MTUS1: variants seen among roughly 807,000 people sequenced by gnomAD.
The protein encoded by MTUS1 is microtubule-associated tumor suppressor 1.
MTUS1 carries 109 observed loss-of-function variants against 120.8 expected under a neutral mutation model. The ratio of observed to expected loss-of-function variants is 0.90; its 90% confidence interval spans 0.77 to 1.06. The LOEUF (loss-of-function observed/expected upper bound fraction) is 1.06, where lower values mean the gene tolerates loss of function less well. Ranked by LOEUF, MTUS1 falls within the 50% of genes least tolerant of loss-of-function variation. MTUS1 has a pLI of 0.00. For synonymous variants in MTUS1, 737 were observed against 550.5 expected, an observed-to-expected ratio of 1.34 and a Z score of -4.74; for missense variants, 2,210 against 1,486.3, an observed-to-expected ratio of 1.49 and a Z score of -8.01.
In MTUS1 at chr8:17,684,468, CAG is replaced by C. The variant is rs1815318478; in HGVS notation, c.2696_2697del (p.Pro899ArgfsTer5). On this transcript the variant is annotated frameshift_variant, in exon 7 of 15. Transcript: ENST00000693296. LOFTEE classifies it high-confidence loss of function. ...QPQTAPDALP[P>X]EKTLELTQYK... ...TATTGCGTCAATTCAAGTGTTTTCT[CAG>C]GGGGCAGCGCATCGGGAGCTGTCTG... 1.2e-6 allele frequency: 2 copies of C among 1,614,214 alleles called. No individual in the cohort carries two copies. Among genetic ancestry groups the C allele is most frequent in the Non-Finnish European group, 1.7e-6 (2 of 1,180,042 alleles).
chr8:17,659,004 TG>T (rs1404603169), intron 8 of MTUS1, among the ~76,000 whole-genome samples: 1 of 152,180 alleles, frequency 6.6e-6, no homozygotes, highest in East Asian at 1.9e-4. Context: ...TATTTCTCGT[TG>T]CCTGGCACAG....
chr8:17,761,769 T>C (rs2049054466), intron 1 of MTUS1, among the ~76,000 whole-genome samples: 2 of 152,228 alleles, frequency 1.3e-5, no homozygotes, highest in Admixed American at 6.5e-5. Context: ...ACGCCAGTCC[T>C]TTAAGATGTG....
At chr8:17,783,590 C>T (rs7461437) in intron 1 of MTUS1, among the ~76,000 whole-genome samples, 40,866 of 151,786 alleles carry the variant, frequency 0.27, 7,032 homozygotes, top group African/African-American at 0.47. Flanking sequence ...TGGAAATTCA[C>T]AAGTTGGGCA....
At position 17,647,010 on chromosome 8, in the gene MTUS1, G is replaced by A. The variant is rs768397952; in HGVS notation, c.3571C>T (p.Arg1191Trp). The A allele has an allele frequency of 3.7e-6, 6 of 1,613,816 alleles. No individual in the cohort carries two copies. Among genetic ancestry groups the A allele is most frequent in the Admixed American group, 1.7e-5 (1 of 59,972 alleles). ...FQQENEELKA[R>W]MDKHMAISRQ... Reference sequence around the variant, plus strand: ...GAGATTGCCATGTGCTTGTCCATCCGAGCTTTCAATTCTTCATTCTCCTGC... The same window carrying A: ...GAGATTGCCATGTGCTTGTCCATCCAAGCTTTCAATTCTTCATTCTCCTGC... Residue 1191 changes from arginine to tryptophan, a missense_variant, in exon 14 of 15, where the codon CGG (arginine) becomes TGG (tryptophan). Coordinates refer to ENST00000693296, the MANE Select transcript of MTUS1 (RefSeq NM_001363059.2).
intron 2 of MTUS1, among the ~76,000 whole-genome samples, chr8:17,751,899 GAA>G (rs1271370117): frequency 1.7e-5 from 2 of 118,116 alleles, no homozygotes; most frequent in African/African-American, 3.0e-5. Context: ...AAGCAAAAAA[GAA>G]AAAAGAGTCC....
At chr8:17,665,294 C>T (rs1438697166) in intron 8 of MTUS1, among the ~76,000 whole-genome samples, 1 of 152,158 alleles carries the variant, frequency 6.6e-6, no homozygotes, top group East Asian at 1.9e-4. Context: ...TTCCATAAAT[C>T]ATAAATTATT....
chr8:17,766,540 G>A (rs2049507278), intron 1 of MTUS1, among the ~76,000 whole-genome samples: 1 of 152,170 alleles, frequency 6.6e-6, no homozygotes. Flanking sequence ...GTGACTAAGA[G>A]CCCAGAGTTA....
intron 1 of MTUS1, among the ~76,000 whole-genome samples, chr8:17,792,060 A>C (rs1469490304): frequency 6.6e-6 from 1 of 152,146 alleles, no homozygotes; most frequent in Non-Finnish European, 1.5e-5. Context: ...TTTGCCTGTT[A>C]AGTCTGTGCA....
chr8:17,747,246 C>G (rs891880242), intron 2 of MTUS1, among the ~76,000 whole-genome samples: 1 of 152,082 alleles, frequency 6.6e-6, no homozygotes, highest in African/African-American at 2.4e-5. Flanking sequence ...CCTAGAGTCC[C>G]CTAAATTAGA....
At chr8:17,723,446 C>T (rs1359379749) in intron 4 of MTUS1, 2 of 578,728 alleles carry the variant, frequency 3.5e-6, no homozygotes, top group South Asian at 1.9e-5. Context: ...TCAGACGATG[C>T]ACTTTCGAAT....
intron 1 of MTUS1, among the ~76,000 whole-genome samples, chr8:17,773,304 T>G (rs915864742): frequency 1.4e-4 from 21 of 152,092 alleles, no homozygotes; most frequent in African/African-American, 5.1e-4. Context: ...GGAAGAGTCT[T>G]CAAGAGTCAT....
chr8:17,721,642 C>G, intron 4 of MTUS1: 1 of 1,483,168 alleles, frequency 6.7e-7, no homozygotes, highest in South Asian at 1.5e-5. Flanking sequence ...TCAAGAGATC[C>G]TAAATCAATT....
chr8:17,664,239 C>T (rs571830136), intron 8 of MTUS1, among the ~76,000 whole-genome samples: 2 of 152,078 alleles, frequency 1.3e-5, no homozygotes, highest in African/African-American at 2.4e-5. Flanking sequence ...TGACATTATA[C>T]GCAATAGAAT....
chr8:17,753,607 G>T, intron 2 of MTUS1, 110 bp downstream of exon 2: 1 of 709,238 alleles, frequency 1.4e-6, no homozygotes, highest in Non-Finnish European at 2.2e-6. Flanking sequence ...ATGTAAATCT[G>T]CCCACCTGGT....
At chr8:17,758,620 A>C (rs1352640943) in intron 1 of MTUS1, among the ~76,000 whole-genome samples, 1 of 152,232 alleles carries the variant, frequency 6.6e-6, no homozygotes, top group Non-Finnish European at 1.5e-5. Context: ...CAGGGGATAT[A>C]ATTTCCAAAA....
chr8:17,671,594 C>A (rs2130599318), intron 8 of MTUS1, among the ~76,000 whole-genome samples: 1 of 152,306 alleles, frequency 6.6e-6, no homozygotes, highest in African/African-American at 2.4e-5. Flanking sequence ...ACTGAGGGAA[C>A]AACGGGAAAG....
Position 17,767,706 on chromosome 8 carries a change from A to AAAAAAACAAAACAAAC in MTUS1, c.-154-11746_-154-11745insGTTTGTTTTGTTTTTT, listed in dbSNP as rs1401680635. Among the ~76,000 whole-genome samples, 193 of 150,820 alleles carry AAAAAAACAAAACAAAC rather than the reference A, an allele frequency of 1.3e-3. 2 individuals carry two copies. Among genetic ancestry groups the AAAAAAACAAAACAAAC allele is most frequent in the African/African-American group, 4.5e-3 (183 of 40,832 alleles). Reference sequence around the variant, plus strand: ...AGAGCAAGACCCTGTCTCTTAAAAAAAAAAAAAAAAAACGGTGTGAAAGAG... The same window carrying AAAAAAACAAAACAAAC: ...AGAGCAAGACCCTGTCTCTTAAAAAAAAAAAACAAAACAAACAAAAAAAAAAAACGGTGTGAAAGAG... On this transcript the variant is annotated intron_variant, in intron 1 of 14. Coordinates refer to ENST00000693296, the MANE Select transcript of MTUS1 (RefSeq NM_001363059.2).
At chr8:17,665,818 G>A (rs1003703630) in intron 8 of MTUS1, among the ~76,000 whole-genome samples, 1 of 152,206 alleles carries the variant, frequency 6.6e-6, no homozygotes, top group Admixed American at 6.5e-5. Flanking sequence ...AAGCACTGCT[G>A]AAAAGATTCC....
chr8:17,770,555 G>A (rs1438335563), intron 1 of MTUS1: 1 of 152,106 alleles, frequency 6.6e-6, no homozygotes, highest in Admixed American at 6.5e-5. Flanking sequence ...CTTTTTCATG[G>A]AGCAATGCAG....
Sources: gnomAD v4.1 joint callset for allele counts (sites outside exome capture counted in the v4.1 genomes callset) on GRCh38, gnomAD v4.1.1 for gene constraint, MANE v1.5 for transcripts, NCBI Gene and HGNC (gene_info 2026-07-23, HGNC 2026-07-21) for gene names.